The following C2orf15 variants were observed in gnomAD, a reference collection of about 807,000 sequenced individuals.
C2orf15 encodes chromosome 2 open reading frame 15.
In C2orf15, 3 loss-of-function variants were observed where a neutral mutation model predicts 4.4. The observed-to-expected ratio is 0.67, with a 90% CI of 0.31 to 1.74. C2orf15 has a LOEUF of 1.74. Ranked by LOEUF, C2orf15 falls within the 40% of genes most tolerant of loss-of-function variation. The pLI, the probability that C2orf15 is intolerant of heterozygous loss-of-function variation, is 0.09. For missense variants in C2orf15, 90 were observed against 103.3 expected (o/e 0.87, Z 0.56); for synonymous variants, 37 against 36.8 (o/e 1.00, Z -0.02).
intron 3 of C2orf15, among the ~76,000 whole-genome samples, chr2:99,150,071 C>T (rs143809475): frequency 0.011 from 1,634 of 152,240 alleles, 10 homozygotes; most frequent in Middle Eastern, 0.027. Context: ...GGATTACAGG[C>T]GTGGGCCACC....
intron 2 of C2orf15, among the ~76,000 whole-genome samples, chr2:99,146,790 G>A (rs2093636776): frequency 6.6e-6 from 1 of 152,058 alleles, no homozygotes; most frequent in East Asian, 1.9e-4. Flanking sequence ...CACCACACCT[G>A]GCTAATTTTT....
rs768328872 is a variant in C2orf15, at chr2:99,150,723, A to G, written c.165A>G (p.Glu55=). The G allele has an allele frequency of 5.9e-5, 95 of 1,614,120 alleles. No individual in the cohort carries two copies. The East Asian group carries it at 1.6e-3, about 28-fold the overall frequency. Residue 55 remains glutamate (E), a synonymous_variant, in exon 4 of 4, where the codon GAA becomes GAG. Coordinates refer to ENST00000650052, the MANE Select transcript of C2orf15 (RefSeq NM_144706.4). The part of the protein sequence containing the change: ...KKIRLEDTNQ[E]NFTRIEGTGT... ...TAAGATTAGAAGACACAAATCAAGA[A>G]AACTTTACAAGGATTGAAGGGACTG...
At chr2:99,148,736 T>A (rs1162382101) in intron 3 of C2orf15, among the ~76,000 whole-genome samples, 1 of 152,106 alleles carries the variant, frequency 6.6e-6, no homozygotes, top group Non-Finnish European at 1.5e-5. Flanking sequence ...CTTTGGGAGC[T>A]GAGGTGGGTG....
At chr2:99,149,521 C>A (rs374746375) in intron 3 of C2orf15, among the ~76,000 whole-genome samples, 254 of 150,254 alleles carry the variant, frequency 1.7e-3, no homozygotes, top group Middle Eastern at 6.9e-3. Context: ...CGGCTCACTG[C>A]AACCTCAGCC....
intron 1 of C2orf15, 138 bp downstream of exon 1, chr2:99,142,075 C>T (rs1381017637): frequency 6.6e-6 from 1 of 152,292 alleles, no homozygotes; most frequent in Admixed American, 6.5e-5. Context: ...TCTCCACATG[C>T]CAGTCCTTTT....
intron 3 of C2orf15, among the ~76,000 whole-genome samples, chr2:99,148,907 T>C (rs1281450164): frequency 1.3e-5 from 2 of 152,140 alleles, no homozygotes; most frequent in Admixed American, 1.3e-4. Context: ...CTCAATGTCA[T>C]TGAATTGTAC....
chr2:99,150,421 A>G (rs564441587), intron 3 of C2orf15, 62 bp from the exon 4 acceptor site: 23 of 922,886 alleles, frequency 2.5e-5, no homozygotes, highest in Admixed American at 1.6e-4. Context: ...TCAAACAAAC[A>G]TTGCCATGAA....
At chr2:99,145,109 G>A (rs1292432888) in intron 2 of C2orf15, among the ~76,000 whole-genome samples, 1 of 152,162 alleles carries the variant, frequency 6.6e-6, no homozygotes, top group Non-Finnish European at 1.5e-5. Flanking sequence ...GGAGGCTCTA[G>A]GGGAAAATCC....
chr2:99,145,536 C>A (rs2093622865), intron 2 of C2orf15, among the ~76,000 whole-genome samples: 1 of 149,058 alleles, frequency 6.7e-6, no homozygotes, highest in Non-Finnish European at 1.5e-5. Context: ...CCAACCTGGG[C>A]AACAGAGTGA....
At position 99,147,496 on chromosome 2, in the gene C2orf15, A is replaced by G; in HGVS notation, c.-77+3A>G. The G allele has an allele frequency of 6.2e-7, 1 of 1,613,942 alleles. No individual in the cohort carries two copies. The highest frequency in any genetic ancestry group is 8.5e-7 in the Non-Finnish European group (1 of 1,179,816). Reference sequence around the variant, plus strand: ...TCCTCAACTCTGGGGAAGTTAAGGTAAGACTCACAGGGCCAAGTCTACCCT... The same window carrying G: ...TCCTCAACTCTGGGGAAGTTAAGGTGAGACTCACAGGGCCAAGTCTACCCT... On this transcript the variant is annotated splice_donor_region_variant and intron_variant, in intron 3 of 3. Transcript: ENST00000650052.
In C2orf15 at chr2:99,145,430, G is replaced by A. The variant is rs563100168; in HGVS notation, c.-168-1972G>A. On this transcript the variant is annotated intron_variant, in intron 2 of 3. Transcript: ENST00000650052. ...AAAAATTAACTGATCGTGGTGGCAG[G>A]CACCTGTAATCCCAGCTACTTGGGA... Among the ~76,000 whole-genome samples, 32 of 152,026 alleles carry A rather than the reference G, an allele frequency of 2.1e-4. 1 individual carries two copies. The South Asian group carries it at 6.0e-3, about 29-fold the overall frequency.
At chr2:99,146,080 C>T (rs74945539) in intron 2 of C2orf15, among the ~76,000 whole-genome samples, 9,145 of 152,210 alleles carry the variant, frequency 0.06, 533 homozygotes, top group East Asian at 0.21. Flanking sequence ...GTCAGGAATT[C>T]GAGACCAGCC....
intron 3 of C2orf15, among the ~76,000 whole-genome samples, chr2:99,149,119 G>A (rs1335404835): frequency 2.0e-5 from 3 of 149,270 alleles, no homozygotes; most frequent in Non-Finnish European, 3.0e-5. Flanking sequence ...CCAGTGAGCC[G>A]AGATCGCACC....
rs2093683174 is a variant in C2orf15, at chr2:99,150,584, C to T, written c.26C>T (p.Ala9Val). The T allele has an allele frequency of 1.2e-6, 2 of 1,612,956 alleles. No homozygotes were observed. The highest frequency in any genetic ancestry group is 1.7e-6 in the Non-Finnish European group (2 of 1,179,394). MGFSLSKS[A>V]TQVSAIHMDS... ...ATGGGATTTTCACTTAGTAAATCTG[C>T]TACTCAGGTATCTGCTATACATATG... The change falls in exon 4 of 4, where the codon GCT becomes GTT. Residue 9 changes from alanine to valine, a missense_variant. Physicochemically the swap from Ala to Val is moderately conservative, Grantham distance 64 (BLOSUM62 0). Transcript: ENST00000650052.
chr2:99,143,450 C>T lies in C2orf15; in HGVS notation c.-169+1049C>T, dbSNP rs559111561. ...CTGGGATTACAGGTGTGAGCCACTG[C>T]GCCCAGACTTTTTTTTTTTTTCCTT... On this transcript the variant is annotated intron_variant, in intron 2 of 3. Coordinates refer to ENST00000650052, the MANE Select transcript of C2orf15 (RefSeq NM_144706.4). 3.1e-4 allele frequency among the ~76,000 whole-genome samples: 46 copies of T among 150,746 alleles called. 3 individuals carry two copies. Among genetic ancestry groups the T allele is most frequent in the African/African-American group, 1.0e-3 (42 of 41,052 alleles).
chr2:99,144,649 C>CAAAAAAA lies in C2orf15; in HGVS notation c.-169+2264_-169+2270dup, dbSNP rs70940140. Among the ~76,000 whole-genome samples, 219 of 52,244 alleles carry CAAAAAAA rather than the reference C, an allele frequency of 4.2e-3. 24 individuals carry two copies. The highest frequency in any genetic ancestry group is 4.5e-3 in the African/African-American group (64 of 14,112). The allele number at this position is 52,244 out of a possible 152,430, so 34.3% of individuals were successfully genotyped here. ...GGGGGACAAGAACAAAACTCTGTCT[C>CAAAAAAA]AAAAAAAAAAAAAAAAAAAAAAGAT... is the stretch of plus-strand genomic sequence containing the variant. On this transcript the variant is annotated intron_variant, in intron 2 of 3. Coordinates refer to ENST00000650052, the MANE Select transcript of C2orf15 (RefSeq NM_144706.4).
At chr2:99,143,483 A>T (rs138652153) in intron 2 of C2orf15, among the ~76,000 whole-genome samples, 1,796 of 146,460 alleles carry the variant, frequency 0.012, 38 homozygotes, top group African/African-American at 0.043. Flanking sequence ...CTTTTTTTTA[A>T]GACAGAGTCT....
chr2:99,147,224 C>T (rs2093641407), intron 2 of C2orf15, 178 bp from the exon 3 acceptor site: 4 of 447,446 alleles, frequency 8.9e-6, no homozygotes, highest in Non-Finnish European at 1.6e-5. Flanking sequence ...TGGTCTCAAA[C>T]TGCTGGACTC....
At chr2:99,144,495 T>C (rs2093611626) in intron 2 of C2orf15, among the ~76,000 whole-genome samples, 2 of 151,436 alleles carry the variant, frequency 1.3e-5, no homozygotes, top group Non-Finnish European at 2.9e-5. Flanking sequence ...GTTTTGATGC[T>C]GAAAGCAGGC....
Sources: allele counts gnomAD v4.1 joint callset (sites outside exome capture counted in the v4.1 genomes callset), GRCh38; gene constraint gnomAD v4.1.1; transcripts MANE v1.5; gene names NCBI Gene and HGNC (gene_info 2026-07-23, HGNC 2026-07-21).